MFHAS1: variants seen among roughly 807,000 people sequenced by gnomAD.
MFHAS1 encodes malignant fibrous histiocytoma-amplified sequence 1.
In MFHAS1, 50 loss-of-function variants were observed where a neutral mutation model predicts 70.4. The observed-to-expected ratio is 0.71, with a 90% CI of 0.57 to 0.90. The LOEUF (loss-of-function observed/expected upper bound fraction) is 0.90, where lower values mean the gene tolerates loss of function less well. MFHAS1 is among the 40% of genes least tolerant of loss of function. The pLI is 0.00. For missense variants in MFHAS1, 1,795 were observed against 1,347.6 expected (o/e 1.33, Z -5.20); for synonymous variants, 952 against 620.0 (o/e 1.54, Z -7.96).
intron 1 of MFHAS1, among the ~76,000 whole-genome samples, chr8:8,820,261 C>T (rs1387179504): frequency 2.0e-5 from 3 of 151,930 alleles, no homozygotes; most frequent in Admixed American, 6.6e-5. Flanking sequence ...TCCCAAGTCC[C>T]CAGGGTTGGG....
chr8:8,854,510 G>T (rs1044929134), intron 1 of MFHAS1, among the ~76,000 whole-genome samples: 1 of 129,438 alleles, frequency 7.7e-6, no homozygotes, highest in Non-Finnish European at 1.6e-5. Context: ...AACAGAGCGA[G>T]ACTCTGTCTC....
chr8:8,793,658 C>A (rs1352310447), intron 2 of MFHAS1, among the ~76,000 whole-genome samples: 1 of 152,220 alleles, frequency 6.6e-6, no homozygotes, highest in Non-Finnish European at 1.5e-5. Flanking sequence ...TGTGCTGAGG[C>A]TGAGAGCAGA....
At chr8:8,833,528 C>T (rs945071965) in intron 1 of MFHAS1, among the ~76,000 whole-genome samples, 21 of 151,980 alleles carry the variant, frequency 1.4e-4, no homozygotes, top group African/African-American at 5.1e-4. Flanking sequence ...ACTCAGGAGG[C>T]TGAGGTAGGA....
At chr8:8,878,255 C>T (rs973576713) in intron 1 of MFHAS1, among the ~76,000 whole-genome samples, 8 of 152,170 alleles carry the variant, frequency 5.3e-5, no homozygotes, top group African/African-American at 1.9e-4. Context: ...CTAACTGAGA[C>T]CCAAGTGACG....
chr8:8,853,308 C>G (rs567565800), intron 1 of MFHAS1, among the ~76,000 whole-genome samples: 3 of 152,044 alleles, frequency 2.0e-5, no homozygotes, highest in Non-Finnish European at 4.4e-5. Flanking sequence ...CCTGTCCTAC[C>G]TGCCCCTTTC....
At chr8:8,819,978 A>T (rs1320477880) in intron 1 of MFHAS1, among the ~76,000 whole-genome samples, 1 of 152,220 alleles carries the variant, frequency 6.6e-6, no homozygotes, top group Non-Finnish European at 1.5e-5. Flanking sequence ...GACTGCAGGC[A>T]TGAGCCACCA....
chr8:8,882,774 C>A (rs1456874295), intron 1 of MFHAS1, among the ~76,000 whole-genome samples: 7 of 152,194 alleles, frequency 4.6e-5, no homozygotes, highest in Admixed American at 4.6e-4. Flanking sequence ...GGTTCCTAAT[C>A]CCTCCCTGCT....
intron 1 of MFHAS1, among the ~76,000 whole-genome samples, chr8:8,875,781 C>A (rs374627397): frequency 1.3e-5 from 2 of 152,096 alleles, no homozygotes; most frequent in Non-Finnish European, 2.9e-5. Flanking sequence ...TTACTAGAGA[C>A]GGGGTTTCAC....
At chr8:8,839,786 G>A (rs141994216) in intron 1 of MFHAS1, among the ~76,000 whole-genome samples, 19 of 151,952 alleles carry the variant, frequency 1.3e-4, no homozygotes, top group African/African-American at 3.9e-4. Flanking sequence ...AAAGAGTAAC[G>A]GTCACCTGGC....
rs377646802 is a variant in MFHAS1 at position 8,891,623 on chromosome 8, G to A, written c.1436C>T (p.Ala479Val). ...RGLRFIVYDL[A>V]GDESYEVIQP... The stretch of plus-strand genomic sequence containing the variant: ...GATCACCTCATAACTTTCATCCCCA[G>A]CTAAGTCATACACGATGAACCGCAG... Residue 479 changes from alanine (A) to valine (V), a missense_variant, in exon 1 of 3, where the codon GCT becomes GTT. Coordinates refer to ENST00000276282, the MANE Select transcript of MFHAS1 (RefSeq NM_004225.3). This position sits in a 1 kb window ranked among gnomAD's most constrained non-coding sequence, Gnocchi z 5.4. 1.9e-6 allele frequency: 3 copies of A among 1,613,484 alleles called. No individual in the cohort carries two copies. Among genetic ancestry groups the A allele is most frequent in the East Asian group, 4.5e-5 (2 of 44,882 alleles).
chr8:8,831,939 G>T (rs553410419), intron 1 of MFHAS1, among the ~76,000 whole-genome samples: 1 of 152,022 alleles, frequency 6.6e-6, no homozygotes, highest in Non-Finnish European at 1.5e-5. Flanking sequence ...AAGAGCCCAG[G>T]CAATTTAAAG....
chr8:8,864,245 G>A (rs1231776141), intron 1 of MFHAS1, among the ~76,000 whole-genome samples: 3 of 152,162 alleles, frequency 2.0e-5, no homozygotes, highest in African/African-American at 7.2e-5. Context: ...AAACACAGAA[G>A]GGTAAGTTAA....
chr8:8,861,739 C>T (rs1389467153), intron 1 of MFHAS1, among the ~76,000 whole-genome samples: 1 of 152,192 alleles, frequency 6.6e-6, no homozygotes, highest in African/African-American at 2.4e-5. Flanking sequence ...TAAATCCCTT[C>T]CCCATACCAC....
At chr8:8,868,517 G>T (rs1438849846) in intron 1 of MFHAS1, among the ~76,000 whole-genome samples, 2 of 151,640 alleles carry the variant, frequency 1.3e-5, no homozygotes, top group African/African-American at 4.8e-5. Flanking sequence ...CTTCCAAACA[G>T]ATATGCACAG....
At chr8:8,840,461 CAA>C (rs141909980) in intron 1 of MFHAS1, among the ~76,000 whole-genome samples, 4,332 of 81,914 alleles carry the variant, frequency 0.053, 56 homozygotes, top group East Asian at 0.2. Flanking sequence ...CATCTCAATA[CAA>C]AAAAAAAAAA....
chr8:8,887,188 T>C (rs1809791726), intron 1 of MFHAS1, among the ~76,000 whole-genome samples: 1 of 152,076 alleles, frequency 6.6e-6, no homozygotes, highest in Non-Finnish European at 1.5e-5. Context: ...ATTCAAAGGG[T>C]TTCTGCTGAA....
rs1432578979 is a variant in MFHAS1, at chr8:8,832,058, G to GCACACA, written c.2999-34568_2999-34567insTGTGTG. On this transcript the variant is annotated intron_variant, in intron 1 of 2. Transcript: ENST00000276282. ...TCAAGGCGCACATGCACGCGCGCGC[G>GCACACA]CGCGCACACACACACACACACACAC... Among the ~76,000 whole-genome samples the GCACACA allele has an allele frequency of 3.7e-4, 54 of 146,076 alleles. 1 individual carries two copies. The highest frequency in any genetic ancestry group is 6.0e-4 in the Admixed American group (9 of 15,006).
At chr8:8,837,727 C>G (rs990334232) in intron 1 of MFHAS1, among the ~76,000 whole-genome samples, 1 of 151,362 alleles carries the variant, frequency 6.6e-6, no homozygotes, top group Non-Finnish European at 1.5e-5. Flanking sequence ...AATGAGATAC[C>G]ACTGCACACC....
Position 8,798,124 on chromosome 8 carries a change from G to A in MFHAS1, c.2999-633C>T, listed in dbSNP as rs1805972711. On this transcript the variant is annotated intron_variant, in intron 1 of 2. Transcript: ENST00000276282. ...TAATGGATCACCACAATACTTAAAG[G>A]AACGCTATTACTCTGCATGCCCTGG... 2.0e-5 allele frequency among the ~76,000 whole-genome samples: 3 copies of A among 152,088 alleles called. No homozygotes were observed. The South Asian group carries it at 6.2e-4, about 32-fold the overall frequency.
Sources: gnomAD v4.1 joint callset for allele counts (sites outside exome capture counted in the v4.1 genomes callset) on GRCh38, gnomAD v4.1.1 for gene constraint, Gnocchi (gnomAD v3.1) non-coding constraint, MANE v1.5 for transcripts, NCBI Gene and HGNC (gene_info 2026-07-23, HGNC 2026-07-21) for gene names.